Variants in MEI4 observed in about 807,000 individuals in gnomAD.
MEI4 encodes meiotic double-stranded break formation protein 4, also known as meiosis-specific protein MEI4.
MEI4 carries 27 observed loss-of-function variants against 31.4 expected under a neutral mutation model. The ratio of observed to expected loss-of-function variants is 0.86; its 90% CI spans 0.63 to 1.19. MEI4 has a LOEUF of 1.19. MEI4 is among the 50% of genes most tolerant of loss of function. The pLI, the probability that MEI4 is intolerant of heterozygous loss-of-function variation, is 0.00. For missense variants in MEI4, 329 were observed against 398.9 expected, an observed-to-expected ratio of 0.82 and a Z score of 1.49; for synonymous variants, 122 against 145.4, an observed-to-expected ratio of 0.84 and a Z score of 1.16.
At chr6:77,707,562 G>C (rs1766360483) in intron 2 of MEI4, among the ~76,000 whole-genome samples, 1 of 152,176 alleles carries the variant, frequency 6.6e-6, no homozygotes, top group South Asian at 2.1e-4. Context: ...TTTCTAGAGA[G>C]ATTTGCTTGA....
At chr6:77,674,270 TAA>T (rs943302056) in intron 1 of MEI4, among the ~76,000 whole-genome samples, 1 of 152,146 alleles carries the variant, frequency 6.6e-6, no homozygotes, top group Non-Finnish European at 1.5e-5. Flanking sequence ...TAAGGGAAAA[TAA>T]GAGTTTTTAA....
chr6:77,681,618 A>G (rs1342898988), intron 1 of MEI4, among the ~76,000 whole-genome samples: 2 of 152,246 alleles, frequency 1.3e-5, no homozygotes, highest in Non-Finnish European at 2.9e-5. Context: ...AAATTCTGCC[A>G]GAATCCAGAG....
chr6:77,905,676 T>C (rs1324044553), intron 4 of MEI4, among the ~76,000 whole-genome samples: 1 of 151,614 alleles, frequency 6.6e-6, no homozygotes, highest in Admixed American at 6.6e-5. Context: ...TTTTGTATGT[T>C]TAGTAGAGAT....
At chr6:77,811,042 C>A (rs1769564785) in intron 3 of MEI4, among the ~76,000 whole-genome samples, 1 of 152,140 alleles carries the variant, frequency 6.6e-6, no homozygotes, top group Non-Finnish European at 1.5e-5. Context: ...GTCTAATTTT[C>A]TTTTAACATT....
At chr6:77,764,076 T>G (rs1161677182) in intron 3 of MEI4, among the ~76,000 whole-genome samples, 2 of 152,178 alleles carry the variant, frequency 1.3e-5, no homozygotes, top group African/African-American at 4.8e-5. Flanking sequence ...TCTCCCAAAG[T>G]GCTGGGATTA....
intron 3 of MEI4, among the ~76,000 whole-genome samples, chr6:77,821,776 A>C (rs1370918283): frequency 6.9e-6 from 1 of 144,710 alleles, no homozygotes; most frequent in African/African-American, 2.6e-5. Context: ...AGCCTGGGCA[A>C]CAAGAGTGAA....
At chr6:77,679,656 A>G (rs185542090) in intron 1 of MEI4, among the ~76,000 whole-genome samples, 312 of 152,152 alleles carry the variant, frequency 2.1e-3, no homozygotes, top group African/African-American at 7.4e-3. Flanking sequence ...TGCTTGCTAC[A>G]AAGAAGAGGC....
intron 2 of MEI4, among the ~76,000 whole-genome samples, chr6:77,707,140 G>A (rs145165720): frequency 7.4e-4 from 112 of 152,088 alleles, no homozygotes; most frequent in African/African-American, 2.3e-3. Context: ...GGTTCTGACC[G>A]AAATGGTGAT....
At chr6:77,791,143 A>C (rs1377672067) in intron 3 of MEI4, among the ~76,000 whole-genome samples, 1 of 152,114 alleles carries the variant, frequency 6.6e-6, no homozygotes, top group African/African-American at 2.4e-5. Flanking sequence ...AGGGATCTAG[A>C]ACTAGAAATA....
intron 3 of MEI4, among the ~76,000 whole-genome samples, chr6:77,767,930 T>G (rs534791724): frequency 6.6e-6 from 1 of 152,310 alleles, no homozygotes; most frequent in East Asian, 1.9e-4. Context: ...TTTCTTCAAT[T>G]TACTTTCAAA....
intron 4 of MEI4, among the ~76,000 whole-genome samples, chr6:77,904,562 T>C (rs1419257505): frequency 6.6e-6 from 1 of 151,990 alleles, no homozygotes; most frequent in Non-Finnish European, 1.5e-5. Flanking sequence ...ACATACAGGA[T>C]TTGGTTTTCT....
chr6:77,869,223 A>T (rs1203314280), intron 4 of MEI4, among the ~76,000 whole-genome samples: 1 of 152,156 alleles, frequency 6.6e-6, no homozygotes, highest in Non-Finnish European at 1.5e-5. Context: ...AAAGGAAACT[A>T]AGTTACAGTA....
intron 4 of MEI4, among the ~76,000 whole-genome samples, chr6:77,912,590 C>T (rs1323666786): frequency 3.9e-5 from 6 of 151,900 alleles, no homozygotes; most frequent in Admixed American, 3.9e-4. Flanking sequence ...AATGGGATTA[C>T]CATCTTGATA....
chr6:77,833,942 A>G (rs1770145042), intron 4 of MEI4, among the ~76,000 whole-genome samples: 2 of 152,270 alleles, frequency 1.3e-5, no homozygotes, highest in East Asian at 3.9e-4. Flanking sequence ...AGATTCATCC[A>G]TGTCCCTGCA....
intron 4 of MEI4, among the ~76,000 whole-genome samples, chr6:77,904,050 T>C (rs945091485): frequency 2.0e-5 from 3 of 152,176 alleles, no homozygotes; most frequent in Middle Eastern, 3.2e-3. Context: ...CCATTTACTT[T>C]CACTAATTGT....
intron 3 of MEI4, among the ~76,000 whole-genome samples, chr6:77,766,679 T>G (rs527840186): frequency 6.6e-6 from 1 of 152,282 alleles, no homozygotes; most frequent in Admixed American, 6.5e-5. Flanking sequence ...CCCAAAGTGC[T>G]GGGATTACAG....
intron 1 of MEI4, among the ~76,000 whole-genome samples, chr6:77,663,799 C>T (rs895587789): frequency 5.3e-5 from 8 of 152,208 alleles, no homozygotes; most frequent in Non-Finnish European, 8.8e-5. Flanking sequence ...GCTTCCGAGG[C>T]GATCAGGCAG....
intron 3 of MEI4, among the ~76,000 whole-genome samples, chr6:77,793,559 T>C (rs538655106): frequency 1.4e-3 from 207 of 152,154 alleles, no homozygotes; most frequent in African/African-American, 4.7e-3. Flanking sequence ...AAAGAGAAAA[T>C]TGTCAAATAT....
intron 3 of MEI4, among the ~76,000 whole-genome samples, chr6:77,768,329 G>T (rs1220149385): frequency 6.6e-6 from 1 of 152,152 alleles, no homozygotes; most frequent in South Asian, 2.1e-4. Flanking sequence ...AGACCTTAGT[G>T]CCATTTCTCT....
Sources: gnomAD v4.1 joint callset for allele counts (sites outside exome capture counted in the v4.1 genomes callset) on GRCh38, gnomAD v4.1.1 for gene constraint, MANE v1.5 for transcripts, NCBI Gene and HGNC (gene_info 2026-07-23, HGNC 2026-07-21) for gene names.